Variants in GPC6 observed in about 807,000 individuals in gnomAD.
The protein encoded by GPC6 is glypican-6.
GPC6 carries 14 observed loss-of-function variants against 55.2 expected under a neutral mutation model. The ratio of observed to expected loss-of-function variants is 0.25; its 90% CI spans 0.17 to 0.40. The LOEUF (loss-of-function observed/expected upper bound fraction) is 0.40. Among genes scored for constraint, GPC6 ranks in the 10% least tolerant of loss-of-function variants. The pLI, the probability that GPC6 is intolerant of heterozygous loss-of-function variation, is 1.00. For synonymous variants in GPC6, 278 were observed against 259.6 expected, an observed-to-expected ratio of 1.07 and a Z score of -0.68; for missense variants, 641 against 708.5, an observed-to-expected ratio of 0.90 and a Z score of 1.08.
intron 1 of GPC6, among the ~76,000 whole-genome samples, chr13:93,329,440 T>C (rs1006629265): frequency 3.3e-5 from 5 of 152,268 alleles, no homozygotes; most frequent in African/African-American, 9.6e-5. Context: ...GGTTACTATG[T>C]AAACACTATC....
At chr13:94,193,763 T>C (rs1417263548) in intron 4 of GPC6, among the ~76,000 whole-genome samples, 3 of 152,234 alleles carry the variant, frequency 2.0e-5, no homozygotes, top group African/African-American at 7.2e-5. Flanking sequence ...GAAAGTTCTT[T>C]AAATCTAGAC....
chr13:93,615,575 C>T (rs1001634191), intron 2 of GPC6, among the ~76,000 whole-genome samples: 1 of 152,092 alleles, frequency 6.6e-6, no homozygotes, highest in African/African-American at 2.4e-5. Context: ...ACATAGATCA[C>T]GCATCAACAT....
At chr13:93,313,146 T>A (rs1879131029) in intron 1 of GPC6, among the ~76,000 whole-genome samples, 1 of 152,194 alleles carries the variant, frequency 6.6e-6, no homozygotes, top group Admixed American at 6.5e-5. Flanking sequence ...ATCTATTAGA[T>A]GCTCTTGTTT....
At chr13:93,816,095 G>T (rs911979353) in intron 2 of GPC6, among the ~76,000 whole-genome samples, 4 of 152,054 alleles carry the variant, frequency 2.6e-5, no homozygotes, top group Non-Finnish European at 4.4e-5. Context: ...AATGAGCAAT[G>T]ACTTTCAATT....
At chr13:93,988,950 G>A (rs1453638527) in intron 3 of GPC6, among the ~76,000 whole-genome samples, 2 of 152,098 alleles carry the variant, frequency 1.3e-5, no homozygotes, top group Non-Finnish European at 2.9e-5. Context: ...TACAAAGATA[G>A]ATACATAGAT....
chr13:94,042,977 G>A (rs1179457737), intron 4 of GPC6, among the ~76,000 whole-genome samples: 1 of 151,554 alleles, frequency 6.6e-6, no homozygotes, highest in Non-Finnish European at 1.5e-5. Context: ...ATATTCTATG[G>A]GTATAATCCA....
rs1479057247 is a variant in GPC6, at chr13:93,743,428, G to A, written c.320-86726G>A. On this transcript the variant is annotated intron_variant, in intron 2 of 8. Transcript: ENST00000377047. ...AGATAAAAATAACAAATCACTAAAT[G>A]GAGACTTTGAAATGTATTATCTTAA... Among the ~76,000 whole-genome samples the A allele has an allele frequency of 3.3e-5, 5 of 152,198 alleles. No homozygotes were observed. The East Asian group carries it at 9.6e-4, about 29-fold the overall frequency.
chr13:93,789,547 T>C (rs1462688052), intron 2 of GPC6, among the ~76,000 whole-genome samples: 1 of 127,888 alleles, frequency 7.8e-6, no homozygotes, highest in Non-Finnish European at 1.6e-5. Context: ...TCAGTTAATA[T>C]AGGGACTTAG....
chr13:93,578,856 G>A (rs1876799485), intron 2 of GPC6, among the ~76,000 whole-genome samples: 1 of 151,728 alleles, frequency 6.6e-6, no homozygotes, highest in Non-Finnish European at 1.5e-5. Context: ...TACTTTTACT[G>A]TATCCCACAG....
chr13:93,407,052 T>A (rs540694682), intron 1 of GPC6, among the ~76,000 whole-genome samples: 2 of 152,276 alleles, frequency 1.3e-5, no homozygotes, highest in African/African-American at 4.8e-5. Context: ...GCATCAATGT[T>A]AAGTTGTATA....
chr13:93,607,544 A>AC (rs1353729022), intron 2 of GPC6, among the ~76,000 whole-genome samples: 25 of 151,904 alleles, frequency 1.6e-4, no homozygotes, highest in African/African-American at 5.8e-4. Context: ...GCACAGAAAC[A>AC]CCCCCGTCAT....
intron 2 of GPC6, among the ~76,000 whole-genome samples, chr13:93,726,795 G>A (rs1883661476): frequency 6.6e-6 from 1 of 152,012 alleles, no homozygotes; most frequent in South Asian, 2.1e-4. Context: ...CCAATACAAG[G>A]ACAACTACCC....
At chr13:94,152,627 G>A (rs1008173021) in intron 4 of GPC6, among the ~76,000 whole-genome samples, 12 of 151,454 alleles carry the variant, frequency 7.9e-5, no homozygotes, top group African/African-American at 2.9e-4. Flanking sequence ...TAACACTTAC[G>A]GCATATTGCT....
At chr13:93,334,521 G>A (rs1005678522) in intron 1 of GPC6, among the ~76,000 whole-genome samples, 2 of 152,070 alleles carry the variant, frequency 1.3e-5, no homozygotes, top group African/African-American at 4.8e-5. Context: ...GGAGTGCAGT[G>A]GTACAATCTC....
At chr13:93,247,759 A>G (rs1876652957) in intron 1 of GPC6, among the ~76,000 whole-genome samples, 1 of 152,326 alleles carries the variant, frequency 6.6e-6, no homozygotes, top group African/African-American at 2.4e-5. Flanking sequence ...ATCTATTTTC[A>G]ATTACCACCT....
chr13:93,647,815 C>T (rs563283047), intron 2 of GPC6, among the ~76,000 whole-genome samples: 1 of 152,190 alleles, frequency 6.6e-6, no homozygotes, highest in South Asian at 2.1e-4. Flanking sequence ...GGACCCATAG[C>T]CTGGCTCTCT....
In GPC6 at chr13:93,661,472, G is replaced by A. The variant is rs1055981093; in HGVS notation, c.319+116051G>A. Among the ~76,000 whole-genome samples, 4 of 152,112 alleles carry A rather than the reference G, an allele frequency of 2.6e-5. No homozygotes were observed. The South Asian group carries it at 8.3e-4, about 32-fold the overall frequency. On this transcript the variant is annotated intron_variant, in intron 2 of 8. Coordinates refer to ENST00000377047, the MANE Select transcript of GPC6 (RefSeq NM_005708.5). The stretch of plus-strand genomic sequence containing the variant: ...CAAGTGATCCACCTCCCAAAGTGCT[G>A]GGATTGTGCTCGTGAGCCACCGTGC...
At chr13:94,028,503 ATC>A (rs1882991073) in intron 4 of GPC6, among the ~76,000 whole-genome samples, 1 of 99,608 alleles carries the variant, frequency 1.0e-5, no homozygotes, top group African/African-American at 6.0e-5. Context: ...TTAGAAAAGA[ATC>A]TTGTAAAAAA....
rs1021344147 is a variant in GPC6 at position 93,748,977 on chromosome 13, G to A, written c.320-81177G>A. ...ATACTGTTCGTCATTTGTATATTTT[G>A]TCTAAAATGAGGCTCTCAGTTGGAT... On this transcript the variant is annotated intron_variant, in intron 2 of 8. Coordinates refer to ENST00000377047, the MANE Select transcript of GPC6 (RefSeq NM_005708.5). Among the ~76,000 whole-genome samples, 5 of 151,994 alleles carry A rather than the reference G, an allele frequency of 3.3e-5. No homozygotes were observed. The South Asian group carries it at 8.3e-4, about 25-fold the overall frequency.
Sources: allele counts gnomAD v4.1 joint callset (sites outside exome capture counted in the v4.1 genomes callset), GRCh38; gene constraint gnomAD v4.1.1; transcripts MANE v1.5; gene names NCBI Gene and HGNC (gene_info 2026-07-23, HGNC 2026-07-21).